Variants in TNS3 observed in about 807,000 individuals in gnomAD.
The protein encoded by TNS3 is tensin 3.
In TNS3, 45 loss-of-function variants were observed where a neutral mutation model predicts 140.9. The ratio of observed to expected loss-of-function variants is 0.32; its 90% CI spans 0.25 to 0.41. The LOEUF (loss-of-function observed/expected upper bound fraction) is 0.41, where lower values mean the gene tolerates loss of function less well. Ranked by LOEUF, TNS3 falls within the 10% of genes least tolerant of loss-of-function variation. The pLI is 1.00. For missense variants in TNS3, 1,716 were observed against 1,906.7 expected (o/e 0.90, Z 1.86); for synonymous variants, 815 against 788.4 (o/e 1.03, Z -0.56).
chr7:47,476,339 C>T (rs565144165), intron 4 of TNS3, among the ~76,000 whole-genome samples: 1 of 152,280 alleles, frequency 6.6e-6, no homozygotes, highest in Admixed American at 6.5e-5. Flanking sequence ...TGCCTGTGTG[C>T]GCATGTGAGC....
intron 20 of TNS3, among the ~76,000 whole-genome samples, chr7:47,339,921 C>G (rs893455543): frequency 2.7e-5 from 4 of 146,466 alleles, no homozygotes; most frequent in Non-Finnish European, 6.0e-5. Context: ...AGGTTTACAT[C>G]TAACCATTTA....
intron 3 of TNS3, among the ~76,000 whole-genome samples, chr7:47,495,916 A>G (rs959613278): frequency 1.3e-5 from 2 of 152,232 alleles, no homozygotes; most frequent in Non-Finnish European, 2.9e-5. Context: ...TCAGGAGAGC[A>G]GTGGACGAAA....
At chr7:47,501,910 G>A (rs1798240442) in intron 3 of TNS3, among the ~76,000 whole-genome samples, 1 of 152,184 alleles carries the variant, frequency 6.6e-6, no homozygotes, top group South Asian at 2.1e-4. Flanking sequence ...CCCAAGAGGA[G>A]TGAGCCCCAA....
chr7:47,582,174 G>A (rs1163062245), upstream of TNS3: 1 of 149,642 alleles, frequency 6.7e-6, no homozygotes, highest in Non-Finnish European at 1.5e-5. Flanking sequence ...CCCCCTCGAG[G>A]CGGCGCGGGC....
At position 47,368,424 on chromosome 7, in the gene TNS3, C is replaced by T. The variant is rs755536392; in HGVS notation, c.2222G>A (p.Arg741Gln). 6 of 1,528,056 alleles carry T rather than the reference C, an allele frequency of 3.9e-6. No homozygotes were observed. Among genetic ancestry groups the T allele is most frequent in the East Asian group, 4.6e-5 (2 of 43,362 alleles). The allele number at this position is 1,528,056 out of a possible 1,614,324, so 94.7% of individuals were successfully genotyped here. A position where few individuals can be genotyped will look rare whatever the true frequency, so the allele number is the denominator to read the frequency against. ...TGTGTCAGGCAGCCTGCTGCTTGCCCGGAGCCCACCTCCCACGCTGTCTGG... is the reference window on the plus strand; with the variant it reads ...TGTGTCAGGCAGCCTGCTGCTTGCCTGGAGCCCACCTCCCACGCTGTCTGG... Reference protein sequence around the residue: ...VSPDSVGGGLRASSRLPDTGE... With the variant: ...VSPDSVGGGLQASSRLPDTGE... The change falls in exon 17 of 31, where the codon CGG becomes CAG. Residue 741 changes from arginine to glutamine, a missense_variant. Arg to Gln is a conservative substitution (Grantham distance 43, BLOSUM62 1). This residue lies in a region of TNS3 where 1,163 missense variants were observed against 1,182.1 expected (regional missense o/e 0.98). Coordinates refer to ENST00000311160, the MANE Select transcript of TNS3 (RefSeq NM_022748.12).
At chr7:47,278,517 T>G in intron 30 of TNS3, 1 of 317,574 alleles carries the variant, frequency 3.1e-6, no homozygotes, top group African/African-American at 2.1e-5. Context: ...CAACTTCCTC[T>G]ATAGATGCTT....
intron 4 of TNS3, among the ~76,000 whole-genome samples, chr7:47,460,924 CAG>C (rs772970720): frequency 1.3e-4 from 20 of 152,194 alleles, no homozygotes; most frequent in Non-Finnish European, 2.5e-4. Context: ...TGCTCTAAAC[CAG>C]AGAGGTTTTA....
At chr7:47,519,320 G>T (rs1798886471) in intron 2 of TNS3, among the ~76,000 whole-genome samples, 1 of 150,778 alleles carries the variant, frequency 6.6e-6, no homozygotes. Flanking sequence ...TATTCAAAGG[G>T]ATCATATTAT....
chr7:47,422,683 T>C (rs1421796851), intron 10 of TNS3, among the ~76,000 whole-genome samples: 1 of 151,980 alleles, frequency 6.6e-6, no homozygotes, highest in East Asian at 1.9e-4. Context: ...TCTTTTAATG[T>C]TATAAACAAG....
intron 2 of TNS3, among the ~76,000 whole-genome samples, chr7:47,528,354 G>C (rs1799274393): frequency 3.3e-5 from 5 of 152,148 alleles, no homozygotes; most frequent in Admixed American, 3.3e-4. Context: ...CACAGGCTGA[G>C]ACTCTGCACA....
intron 20 of TNS3, among the ~76,000 whole-genome samples, chr7:47,324,331 C>A (rs2150868654): frequency 6.6e-6 from 1 of 152,322 alleles, no homozygotes; most frequent in African/African-American, 2.4e-5. Flanking sequence ...ACAAAATAAT[C>A]TGCTGGCACT....
chr7:47,434,532 G>A (rs1795080575), intron 8 of TNS3, among the ~76,000 whole-genome samples: 2 of 152,174 alleles, frequency 1.3e-5, no homozygotes, highest in South Asian at 4.1e-4. Context: ...GGAGGGTTAA[G>A]CTTCACACAC....
At position 47,346,230 on chromosome 7, in the gene TNS3, G is replaced by T; in HGVS notation, c.2408C>A (p.Ala803Asp). The change falls in exon 18 of 31, where the codon GCC becomes GAC. Residue 803 changes from alanine (A) to aspartate (D), a missense_variant. This residue lies in a region of TNS3 where 1,163 missense variants were observed against 1,182.1 expected (regional missense o/e 0.98). Transcript: ENST00000311160. ...CAWGKAGVDY[A>D]PNLPPFPSPA... ...TGAGGGGAATGGCGGCAGGTTTGGGGCATAGTCCACACCAGCCTTTCCCCA... is the reference window on the plus strand; with the variant it reads ...TGAGGGGAATGGCGGCAGGTTTGGGTCATAGTCCACACCAGCCTTTCCCCA... 1 of 1,614,174 alleles carries T rather than the reference G, an allele frequency of 6.2e-7. No homozygotes were observed. The highest frequency in any genetic ancestry group is 8.5e-7 in the Non-Finnish European group (1 of 1,180,038).
At chr7:47,490,558 C>T (rs1263608855) in intron 3 of TNS3, among the ~76,000 whole-genome samples, 1 of 152,246 alleles carries the variant, frequency 6.6e-6, no homozygotes, top group African/African-American at 2.4e-5. Flanking sequence ...TGGCAGAACT[C>T]CGAAGCCTGG....
intron 1 of TNS3, among the ~76,000 whole-genome samples, chr7:47,550,847 G>A (rs554178111): frequency 2.6e-4 from 40 of 152,222 alleles, no homozygotes; most frequent in Non-Finnish European, 2.1e-4. Flanking sequence ...TATGGAAAAC[G>A]CCCATGGGAT....
chr7:47,563,817 G>T (rs73099508), intron 1 of TNS3, among the ~76,000 whole-genome samples: 3 of 152,164 alleles, frequency 2.0e-5, no homozygotes, highest in African/African-American at 7.2e-5. Context: ...TTAATTTTAT[G>T]CATCCTCTTG....
chr7:47,308,495 T>C (rs1483746354), intron 20 of TNS3, among the ~76,000 whole-genome samples: 1 of 152,236 alleles, frequency 6.6e-6, no homozygotes, highest in Non-Finnish European at 1.5e-5. Context: ...TTCAGGCTTC[T>C]TTGATTGCCT....
rs995974007 is a variant in TNS3, at chr7:47,302,891, C to A, written c.3457+59G>T. 1.3e-5 allele frequency: 20 copies of A among 1,539,038 alleles called. No individual in the cohort carries two copies. In the African/African-American group the frequency reaches 2.3e-4, roughly 18 times the overall value. On this transcript the variant is annotated intron_variant, in intron 22 of 30. Transcript: ENST00000311160. ...GCCAGCTCAGCTGCAGGTCTGAACC[C>A]TTCCCTTCCCCAGTGAATGGACAGA...
intron 20 of TNS3, among the ~76,000 whole-genome samples, chr7:47,340,740 G>A (rs1473177138): frequency 6.6e-6 from 1 of 151,876 alleles, no homozygotes; most frequent in Admixed American, 6.6e-5. Flanking sequence ...GGCTTTCTAC[G>A]TAGATGATCA....
Sources: allele counts gnomAD v4.1 joint callset (sites outside exome capture counted in the v4.1 genomes callset), GRCh38; gene constraint gnomAD v4.1.1; regional missense constraint gnomAD v4.1.1; transcripts MANE v1.5; gene names NCBI Gene and HGNC (gene_info 2026-07-23, HGNC 2026-07-21).